The following ITFG1 variants were observed in gnomAD, a reference collection of about 807,000 sequenced individuals.
The protein encoded by ITFG1 is integrin alpha FG-GAP repeat containing 1.
A neutral mutation model predicts 81.8 loss-of-function variants in ITFG1; 34 were observed. That is an observed-to-expected ratio of 0.42 (90% CI 0.32 to 0.55). The LOEUF is 0.55. ITFG1 is among the 20% of genes least tolerant of loss of function. The pLI is 0.17. For missense variants in ITFG1, 672 were observed against 755.4 expected, an observed-to-expected ratio of 0.89 and a Z score of 1.29; for synonymous variants, 285 against 270.6, an observed-to-expected ratio of 1.05 and a Z score of -0.52.
chr16:47,187,182 C>G (rs1010980279), intron 14 of ITFG1, among the ~76,000 whole-genome samples: 153 of 152,258 alleles, frequency 1.0e-3, no homozygotes, highest in Non-Finnish European at 1.5e-3. Context: ...AATGGCCATA[C>G]TGCCCAAGGT....
At chr16:47,254,547 ATG>A (rs1275748218) in intron 12 of ITFG1, among the ~76,000 whole-genome samples, 11 of 152,210 alleles carry the variant, frequency 7.2e-5, no homozygotes, top group Admixed American at 1.3e-4. Flanking sequence ...GCAGGCCCTC[ATG>A]CTAGTCAGCA....
chr16:47,304,067 G>C (rs1438626693), intron 10 of ITFG1, among the ~76,000 whole-genome samples: 1 of 152,096 alleles, frequency 6.6e-6, no homozygotes, highest in Non-Finnish European at 1.5e-5. Context: ...TAAATGTTCT[G>C]AAACATAAAT....
At chr16:47,340,258 G>A (rs1231514821) in intron 8 of ITFG1, among the ~76,000 whole-genome samples, 1 of 152,068 alleles carries the variant, frequency 6.6e-6, no homozygotes, top group South Asian at 2.1e-4. Context: ...ACCTGGGCAA[G>A]TATAAAAGCC....
rs775446002 is a variant in ITFG1 at position 47,218,841 on chromosome 16, C to T, written c.1453+27G>A. ...TATATTGACTGAAGAAGCTTTTATA[C>T]ATTATGGACAATGTATCTGGTCTTA... On this transcript the variant is annotated intron_variant, in intron 14 of 17. Coordinates refer to ENST00000320640, the MANE Select transcript of ITFG1 (RefSeq NM_030790.5). 37 of 1,418,820 alleles carry T rather than the reference C, an allele frequency of 2.6e-5. No individual in the cohort carries two copies. In the South Asian group the frequency reaches 4.4e-4, roughly 17 times the overall value. The allele number at this position is 1,418,820 out of a possible 1,614,324, so 87.9% of individuals were successfully genotyped here. A position where few individuals can be genotyped will look rare whatever the true frequency, so the allele number is the denominator to read the frequency against.
At chr16:47,292,273 A>C (rs1966916843) in intron 10 of ITFG1, among the ~76,000 whole-genome samples, 1 of 152,088 alleles carries the variant, frequency 6.6e-6, no homozygotes, top group South Asian at 2.1e-4. Flanking sequence ...TGGCTTTCCA[A>C]AGTGCTGGGA....
chr16:47,260,544 C>T lies in ITFG1; in HGVS notation c.1221+1G>A, dbSNP rs1201298493. On this transcript the variant is annotated splice_donor_variant, in intron 11 of 17. Transcript: ENST00000320640. LOFTEE classifies it high-confidence loss of function. Reference sequence around the variant, plus strand: ...AACACACAGCCCAGCTCTGAACTCACATCTTCGTAAATGTCAAAGAAGGTG... The same window carrying T: ...AACACACAGCCCAGCTCTGAACTCATATCTTCGTAAATGTCAAAGAAGGTG... 6.2e-7 allele frequency: 1 copy of T among 1,614,130 alleles called. No homozygotes were observed. The highest frequency in any genetic ancestry group is 8.5e-7 in the Non-Finnish European group (1 of 1,179,998).
intron 14 of ITFG1, among the ~76,000 whole-genome samples, chr16:47,184,703 G>A (rs533300779): frequency 2.6e-5 from 4 of 151,998 alleles, no homozygotes; most frequent in African/African-American, 9.6e-5. Context: ...ATCGAGACTA[G>A]GAAGAAACTG....
intron 13 of ITFG1, 41 bp from the exon 14 acceptor site, chr16:47,218,987 G>C (rs1369007456): frequency 7.1e-7 from 1 of 1,402,250 alleles, no homozygotes; most frequent in South Asian, 1.3e-5. Flanking sequence ...TGGAAAATAA[G>C]TGAATTATTG....
chr16:47,285,823 C>T (rs1273405956), intron 10 of ITFG1, among the ~76,000 whole-genome samples: 4 of 152,156 alleles, frequency 2.6e-5, no homozygotes, highest in Non-Finnish European at 5.9e-5. Context: ...TTTGTAAACA[C>T]GCGTTATAAT....
At chr16:47,168,542 A>G (rs1964921422) in intron 14 of ITFG1, among the ~76,000 whole-genome samples, 1 of 149,984 alleles carries the variant, frequency 6.7e-6, no homozygotes, top group East Asian at 2.0e-4. Context: ...TGGCTAATTA[A>G]AAGTTTTTTT....
At chr16:47,340,901 T>C (rs964605793) in intron 8 of ITFG1, among the ~76,000 whole-genome samples, 1 of 152,160 alleles carries the variant, frequency 6.6e-6, no homozygotes, top group Non-Finnish European at 1.5e-5. Context: ...AAGAACATTG[T>C]ATAATGACTA....
intron 8 of ITFG1, among the ~76,000 whole-genome samples, chr16:47,327,820 AAAC>A (rs1358112430): frequency 1.3e-5 from 2 of 152,164 alleles, no homozygotes; most frequent in East Asian, 3.9e-4. Context: ...AAAAGTCAGG[AAAC>A]AACAGGTGCT....
At chr16:47,193,670 G>T (rs1965320036) in intron 14 of ITFG1, among the ~76,000 whole-genome samples, 1 of 152,066 alleles carries the variant, frequency 6.6e-6, no homozygotes, top group Non-Finnish European at 1.5e-5. Flanking sequence ...CTCTAGCCTT[G>T]GTGACAGAGT....
intron 6 of ITFG1, among the ~76,000 whole-genome samples, chr16:47,400,484 ACAC>A (rs796386836): frequency 6.6e-6 from 1 of 151,934 alleles, no homozygotes; most frequent in East Asian, 1.9e-4. Context: ...ACACACACAC[ACAC>A]ACCACTAGAC....
intron 14 of ITFG1, among the ~76,000 whole-genome samples, chr16:47,200,439 T>C (rs1180389965): frequency 6.6e-6 from 1 of 152,190 alleles, no homozygotes; most frequent in East Asian, 1.9e-4. Context: ...CTTGAACAGA[T>C]ATTAACAAAA....
At chr16:47,321,230 G>C (rs1316731130) in intron 8 of ITFG1, among the ~76,000 whole-genome samples, 2 of 152,150 alleles carry the variant, frequency 1.3e-5, no homozygotes, top group Non-Finnish European at 2.9e-5. Context: ...TTTAATATGT[G>C]AGACCCAGGG....
intron 13 of ITFG1, among the ~76,000 whole-genome samples, chr16:47,231,095 A>C (rs1315125870): frequency 6.6e-6 from 1 of 152,224 alleles, no homozygotes; most frequent in East Asian, 1.9e-4. Context: ...GTTCCAGGAC[A>C]TACTGTCAAG....
In ITFG1 at chr16:47,171,426, CT is replaced by C. The variant is rs541328581; in HGVS notation, c.1454-8763del. Among the ~76,000 whole-genome samples the C allele has an allele frequency of 3.1e-3, 471 of 151,188 alleles. 2 individuals are homozygous for C. Among genetic ancestry groups the C allele is most frequent in the African/African-American group, 0.011 (447 of 41,256 alleles). On this transcript the variant is annotated intron_variant, in intron 14 of 17. Transcript: ENST00000320640. ...CTGATTTTAGTTATTTGCCTTTTCCCTTTTTTTTTAAACACTCAGTCTAGCT... is the reference window on the plus strand; with the variant it reads ...CTGATTTTAGTTATTTGCCTTTTCCCTTTTTTTTAAACACTCAGTCTAGCT...
intron 13 of ITFG1, among the ~76,000 whole-genome samples, chr16:47,228,811 A>T (rs1313450995): frequency 1.3e-5 from 2 of 152,252 alleles, no homozygotes; most frequent in African/African-American, 4.8e-5. Context: ...AATTGTTGTA[A>T]CAATGGAAAC....
Sources: allele counts gnomAD v4.1 joint callset (sites outside exome capture counted in the v4.1 genomes callset), GRCh38; gene constraint gnomAD v4.1.1; transcripts MANE v1.5; gene names NCBI Gene and HGNC (gene_info 2026-07-23, HGNC 2026-07-21).